The following CHODL variants were observed in gnomAD, a reference collection of about 807,000 sequenced individuals.
CHODL encodes transmembrane protein MT75.
CHODL carries 29 observed loss-of-function variants against 34.5 expected under a neutral mutation model. That is an observed-to-expected ratio of 0.84 (90% confidence interval 0.63 to 1.15). The LOEUF (loss-of-function observed/expected upper bound fraction) is 1.15. Ranked by LOEUF, CHODL falls within the 50% of genes most tolerant of loss-of-function variation. The pLI, the probability that CHODL is intolerant of heterozygous loss-of-function variation, is 0.00. For synonymous variants in CHODL, 125 were observed against 116.1 expected, an observed-to-expected ratio of 1.08 and a Z score of -0.49; for missense variants, 332 against 332.5, an observed-to-expected ratio of 1.00 and a Z score of 0.01.
chr21:18,104,395 G>C (rs1041722732), intron 2 of CHODL, among the ~76,000 whole-genome samples: 26 of 152,244 alleles, frequency 1.7e-4, no homozygotes, highest in Admixed American at 5.2e-4. Context: ...AAGATGCCTT[G>C]CTTCCCCTTC....
intron 2 of CHODL, among the ~76,000 whole-genome samples, chr21:18,151,955 A>C (rs1419599211): frequency 6.6e-6 from 1 of 151,644 alleles, no homozygotes. Flanking sequence ...GAGGGGATAC[A>C]TTCAGTCCAT....
intron 1 of CHODL, among the ~76,000 whole-genome samples, chr21:18,020,700 T>C (rs1289493783): frequency 1.3e-5 from 2 of 152,208 alleles, no homozygotes; most frequent in Admixed American, 1.3e-4. Flanking sequence ...AAAATATAGA[T>C]GTTGAGGTCC....
intron 1 of CHODL, among the ~76,000 whole-genome samples, 162 bp downstream of exon 1, chr21:18,245,464 C>T (rs574840983): frequency 5.3e-5 from 8 of 152,330 alleles, no homozygotes; most frequent in African/African-American, 1.9e-4. Flanking sequence ...TGTTCTCCTC[C>T]CTCTCTTCTC....
intron 1 of CHODL, among the ~76,000 whole-genome samples, chr21:17,992,645 T>C (rs2063806681): frequency 6.6e-6 from 1 of 151,984 alleles, no homozygotes; most frequent in African/African-American, 2.4e-5. Context: ...TGCTTCTGAT[T>C]TTTGAACATT....
chr21:18,054,316 A>C (rs1342074944), intron 2 of CHODL, among the ~76,000 whole-genome samples: 1 of 151,934 alleles, frequency 6.6e-6, no homozygotes, highest in East Asian at 1.9e-4. Context: ...AATTCTACAA[A>C]CATTTTTTTC....
intron 1 of CHODL, among the ~76,000 whole-genome samples, chr21:17,993,498 T>C (rs988374567): frequency 6.6e-6 from 1 of 152,230 alleles, no homozygotes; most frequent in African/African-American, 2.4e-5. Context: ...GCTAGTTTGC[T>C]AAGGATAATG....
intron 2 of CHODL, among the ~76,000 whole-genome samples, chr21:18,183,959 C>CT (rs1568927273): frequency 6.6e-6 from 1 of 152,020 alleles, no homozygotes; most frequent in African/African-American, 2.4e-5. Context: ...TGACTTTTTT[C>CT]TTTTTTTAAA....
In CHODL at chr21:18,232,942, GATATATAT is replaced by G. The variant is rs371388519; in HGVS notation, c.-44-23544_-44-23537del. ...AATTATGGGGTCCACATGATGTTAT[GATATATAT>G]ATATATATATATATATATATATGTA... On this transcript the variant is annotated intron_variant, in intron 2 of 6. Coordinates refer to the CHODL transcript ENST00000400127. Among the ~76,000 whole-genome samples, 60 of 119,408 alleles carry G rather than the reference GATATATAT, an allele frequency of 5.0e-4. 1 individual carries two copies. The highest frequency in any genetic ancestry group is 1.5e-3 in the African/African-American group (40 of 27,164). The allele number at this position is 119,408 out of a possible 152,430, so 78.3% of individuals were successfully genotyped here. A position where few individuals can be genotyped will look rare whatever the true frequency, so the allele number is the denominator to read the frequency against.
chr21:18,108,948 C>T (rs2065312538), intron 2 of CHODL, among the ~76,000 whole-genome samples: 1 of 151,640 alleles, frequency 6.6e-6, no homozygotes, highest in African/African-American at 2.4e-5. Context: ...ATGTAATTCA[C>T]ATATCACAGA....
At chr21:18,232,418 G>A (rs2073988376) in intron 2 of CHODL, among the ~76,000 whole-genome samples, 1 of 152,076 alleles carries the variant, frequency 6.6e-6, no homozygotes, top group African/African-American at 2.4e-5. Context: ...TTAGTGTCTA[G>A]TGAGGGCCTC....
chr21:17,949,989 A>G (rs1194700112), intron 1 of CHODL, among the ~76,000 whole-genome samples: 1 of 152,192 alleles, frequency 6.6e-6, no homozygotes, highest in East Asian at 1.9e-4. Context: ...AGAAAAAAAT[A>G]CCAAAAACCA....
chr21:18,244,988 C>T lies in CHODL; in HGVS notation c.-236C>T, dbSNP rs957408206. On this transcript the variant is annotated 5_prime_UTR_variant, in exon 1 of 6. It adds an upstream start codon to the 5' untranslated region. Coordinates refer to ENST00000299295, the MANE Select transcript of CHODL (RefSeq NM_024944.3). Reference sequence around the variant, plus strand: ...GACCCCCTAACTTCAGTCCCCCAAACGCGCACCCTCGAAGTCTTGAACTCC... The same window carrying T: ...GACCCCCTAACTTCAGTCCCCCAAATGCGCACCCTCGAAGTCTTGAACTCC... The T allele has an allele frequency of 4.0e-5, 18 of 455,242 alleles. No homozygotes were observed. The highest frequency in any genetic ancestry group is 3.3e-4 in the African/African-American group (16 of 48,224). 28.2% of individuals were successfully genotyped at this position (455,242 alleles called of 1,614,324 possible). A position where few individuals can be genotyped will look rare whatever the true frequency, so the allele number is the denominator to read the frequency against.
chr21:18,210,934 G>T (rs1453325873), intron 2 of CHODL, among the ~76,000 whole-genome samples: 1 of 151,978 alleles, frequency 6.6e-6, no homozygotes, highest in Non-Finnish European at 1.5e-5. Context: ...ACACTGTTTG[G>T]CACTTGTTAC....
At chr21:18,226,678 C>A (rs778942981) in intron 2 of CHODL, among the ~76,000 whole-genome samples, 3 of 152,080 alleles carry the variant, frequency 2.0e-5, no homozygotes, top group African/African-American at 4.8e-5. Flanking sequence ...ATTATATTAT[C>A]TTTTATTTTT....
chr21:18,023,014 A>G (rs1161056739), intron 1 of CHODL, among the ~76,000 whole-genome samples: 1 of 152,210 alleles, frequency 6.6e-6, no homozygotes, highest in Non-Finnish European at 1.5e-5. Context: ...CTGTTGCCTA[A>G]ATGCCTAATG....
chr21:18,122,494 A>C (rs2065491969), intron 2 of CHODL, among the ~76,000 whole-genome samples: 1 of 152,154 alleles, frequency 6.6e-6, no homozygotes, highest in Admixed American at 6.5e-5. Context: ...AAGCTGTGAC[A>C]ATGTCTGGCA....
At chr21:17,919,107 TTGAG>T (rs2063163878) in intron 1 of CHODL, among the ~76,000 whole-genome samples, 1 of 152,142 alleles carries the variant, frequency 6.6e-6, no homozygotes, top group South Asian at 2.1e-4. Flanking sequence ...TGGGCTGGTG[TTGAG>T]TGTCTGCGGC....
At chr21:18,131,956 T>A (rs2072659921) in intron 2 of CHODL, among the ~76,000 whole-genome samples, 1 of 152,140 alleles carries the variant, frequency 6.6e-6, no homozygotes, top group South Asian at 2.1e-4. Context: ...ATTCTGAAAA[T>A]AAGTTATGTA....
intron 2 of CHODL, among the ~76,000 whole-genome samples, chr21:18,088,927 T>A (rs1171528613): frequency 6.6e-6 from 1 of 152,136 alleles, no homozygotes; most frequent in Non-Finnish European, 1.5e-5. Context: ...CTCAGTAAGG[T>A]CTCGGTTCTC....
Sources: gnomAD v4.1 joint callset for allele counts (sites outside exome capture counted in the v4.1 genomes callset) on GRCh38, gnomAD v4.1.1 for gene constraint, MANE v1.5 for transcripts, NCBI Gene and HGNC (gene_info 2026-07-23, HGNC 2026-07-21) for gene names.